CCDC30: variants seen among roughly 807,000 people sequenced by gnomAD.
CCDC30 encodes coiled-coil domain containing 30.
Under a neutral mutation model 100.2 loss-of-function variants are expected in CCDC30, and 70 were observed. The ratio of observed to expected loss-of-function variants is 0.70; its 90% CI spans 0.58 to 0.85. CCDC30 has a LOEUF of 0.85. Ranked by LOEUF, CCDC30 falls within the 40% of genes least tolerant of loss-of-function variation. The pLI, the probability that CCDC30 is intolerant of heterozygous loss-of-function variation, is 0.00. For synonymous variants in CCDC30, 233 were observed against 269.5 expected (o/e 0.86, Z 1.33); for missense variants, 652 against 771.2 (o/e 0.85, Z 1.83).
intron 12 of CCDC30, among the ~76,000 whole-genome samples, chr1:42,642,174 A>T (rs934686928): frequency 1.3e-5 from 2 of 151,978 alleles, no homozygotes; most frequent in African/African-American, 2.4e-5. Flanking sequence ...TGCAGTGAGC[A>T]GAGATCACGC....
At chr1:42,469,795 C>G (rs558092078) in intron 1 of CCDC30, among the ~76,000 whole-genome samples, 3 of 152,202 alleles carry the variant, frequency 2.0e-5, no homozygotes, top group Admixed American at 6.5e-5. Context: ...TACTAGTTCT[C>G]TGGGAGACAA....
intron 6 of CCDC30, among the ~76,000 whole-genome samples, chr1:42,502,469 G>T (rs1644331717): frequency 6.6e-6 from 1 of 152,168 alleles, no homozygotes; most frequent in South Asian, 2.1e-4. Flanking sequence ...GTGCTCCGTG[G>T]GCTGCACCCA....
rs1309002712 is a variant in CCDC30, at chr1:42,596,691, CAT to C, written c.1164+7209_1164+7210del. On this transcript the variant is annotated intron_variant, in intron 10 of 16. Transcript: ENST00000668663. The surrounding 1 kb of genome is among the most constrained non-coding windows in gnomAD (Gnocchi z 4.3). ...CAGCAGTTTCCTCTACTCACTGCAT[CAT>C]GTTTCGCTATCAAGAAAAAATTACA... Among the ~76,000 whole-genome samples the C allele has an allele frequency of 6.6e-6, 1 of 151,970 alleles. No homozygotes were observed. The highest frequency in any genetic ancestry group is 1.9e-4 in the East Asian group (1 of 5,186).
intron 1 of CCDC30, chr1:42,464,232 T>G (rs1017768387): frequency 1.3e-5 from 2 of 152,198 alleles, no homozygotes; most frequent in African/African-American, 2.4e-5. Context: ...ATATAAACAT[T>G]AAATACTGTA....
chr1:42,552,172 C>T (rs746518661), intron 6 of CCDC30, among the ~76,000 whole-genome samples: 2 of 152,112 alleles, frequency 1.3e-5, no homozygotes, highest in Non-Finnish European at 2.9e-5. Context: ...GCTAGTTCTC[C>T]TTAATTTACT....
At chr1:42,491,095 G>C (rs2783381) in intron 4 of CCDC30, among the ~76,000 whole-genome samples, 149,220 of 152,306 alleles carry the variant, frequency 0.98, 73,165 homozygotes, top group East Asian at 1. Flanking sequence ...ACTACACATA[G>C]CCTCCTTTTA....
intron 10 of CCDC30, among the ~76,000 whole-genome samples, chr1:42,605,264 T>A (rs1298707400): frequency 6.6e-6 from 1 of 152,214 alleles, no homozygotes; most frequent in African/African-American, 2.4e-5. Context: ...AATTTGGTGC[T>A]TTTTCACCAG....
At chr1:42,645,670 GT>G (rs1019595485) in intron 14 of CCDC30, among the ~76,000 whole-genome samples, 2 of 149,980 alleles carry the variant, frequency 1.3e-5, no homozygotes, top group African/African-American at 2.4e-5. Context: ...GTGGGTTTTC[GT>G]TTTTTTTTCT....
intron 10 of CCDC30, among the ~76,000 whole-genome samples, chr1:42,610,378 CT>C (rs1257966307): frequency 6.6e-6 from 1 of 152,034 alleles, no homozygotes; most frequent in African/African-American, 2.4e-5. Context: ...AAGAGAACAG[CT>C]TTCACTTTAT....
chr1:42,610,834 C>T, intron 10 of CCDC30, 144 bp from the exon 15 acceptor site: 1 of 518,488 alleles, frequency 1.9e-6, no homozygotes, highest in South Asian at 3.2e-5. Flanking sequence ...TCTGGAAGTA[C>T]AGGAATCCCG....
chr1:42,596,867 G>C lies in CCDC30; in HGVS notation c.1164+7384G>C, dbSNP rs575094943. On this transcript the variant is annotated intron_variant, in intron 10 of 16. Coordinates refer to ENST00000668663, the Ensembl canonical transcript of CCDC30. This position sits in a 1 kb window ranked among gnomAD's most constrained non-coding sequence, Gnocchi z 4.3. ...AAAATAACTGTGATTAATGTGCTAA[G>C]GGCTCTAAGGAATAAAGTAGACCAC... Among the ~76,000 whole-genome samples the C allele has an allele frequency of 2.0e-5, 3 of 152,196 alleles. No individual in the cohort carries two copies. In the South Asian group the frequency reaches 6.2e-4, roughly 32 times the overall value.
intron 10 of CCDC30, among the ~76,000 whole-genome samples, chr1:42,610,721 G>T (rs558300447): frequency 6.6e-6 from 1 of 152,048 alleles, no homozygotes; most frequent in African/African-American, 2.4e-5. Context: ...CATCACACGC[G>T]GCCTTGGAAG....
chr1:42,562,398 G>A lies in CCDC30; in HGVS notation c.457-3898G>A, dbSNP rs1172396245. On this transcript the variant is annotated intron_variant, in intron 6 of 16. Transcript: ENST00000668663. ...TAAATGGTGCTGGGAAAACTGGCTA[G>A]CCATATGCAGAAAAATGAAACTGGA... 4.6e-5 allele frequency among the ~76,000 whole-genome samples: 7 copies of A among 152,294 alleles called. No individual in the cohort carries two copies. The East Asian group carries it at 1.3e-3, about 29-fold the overall frequency.
In CCDC30 at chr1:42,567,007, G is replaced by A. The variant is rs184777542; in HGVS notation, c.636+532G>A. On this transcript the variant is annotated intron_variant, in intron 7 of 16. Coordinates refer to ENST00000668663, the Ensembl canonical transcript of CCDC30. ...ACATAAATGTTTAAAATTAACCTCC[G>A]TGTAAAATAGTACTTCCTCTTAATT... 1.6e-4 allele frequency among the ~76,000 whole-genome samples: 25 copies of A among 152,202 alleles called. No individual in the cohort carries two copies. The East Asian group carries it at 4.1e-3, about 25-fold the overall frequency.
At chr1:42,554,930 C>T (rs763335422) in intron 6 of CCDC30, among the ~76,000 whole-genome samples, 16 of 152,130 alleles carry the variant, frequency 1.1e-4, no homozygotes, top group Non-Finnish European at 2.2e-4. Flanking sequence ...TCTGTATCCT[C>T]ACCACAGACA....
At chr1:42,465,671 A>G (rs572453807) in intron 1 of CCDC30, among the ~76,000 whole-genome samples, 1 of 152,282 alleles carries the variant, frequency 6.6e-6, no homozygotes, top group Middle Eastern at 3.4e-3. Flanking sequence ...GACCTCTAGC[A>G]CAGTTTTAAA....
chr1:42,531,199 C>G (rs951712310), intron 6 of CCDC30, among the ~76,000 whole-genome samples: 2 of 152,158 alleles, frequency 1.3e-5, no homozygotes, highest in Non-Finnish European at 2.9e-5. Context: ...CCCTCTCTCT[C>G]TTCCTCCTGC....
intron 7 of CCDC30, among the ~76,000 whole-genome samples, chr1:42,573,105 T>G (rs1213101155): frequency 1.3e-5 from 2 of 152,210 alleles, no homozygotes; most frequent in African/African-American, 4.8e-5. Flanking sequence ...GGTTCCTATA[T>G]AAGTTTTATA....
intron 11 of CCDC30, among the ~76,000 whole-genome samples, chr1:42,631,760 A>G (rs914350881): frequency 1.3e-5 from 2 of 152,136 alleles, no homozygotes; most frequent in Non-Finnish European, 2.9e-5. Context: ...AGCCATTACC[A>G]TCACAGGCCC....
Sources: allele counts gnomAD v4.1 joint callset (sites outside exome capture counted in the v4.1 genomes callset), GRCh38; gene constraint gnomAD v4.1.1; non-coding constraint Gnocchi (gnomAD v3.1); transcripts MANE v1.5; gene names NCBI Gene and HGNC (gene_info 2026-07-23, HGNC 2026-07-21).